Variants in STX1B observed in about 807,000 individuals in gnomAD.
STX1B encodes syntaxin 1B.
In STX1B, 7 loss-of-function variants were observed where a neutral mutation model predicts 39.4. The ratio of observed to expected loss-of-function variants is 0.18; its 90% CI spans 0.10 to 0.33. The LOEUF is 0.33. Ranked by LOEUF, STX1B falls within the 10% of genes least tolerant of loss-of-function variation. STX1B has a pLI of 1.00. For missense variants in STX1B, 198 were observed against 383.2 expected (o/e 0.52, Z 4.04); for synonymous variants, 136 against 144.1 (o/e 0.94, Z 0.40).
In STX1B at chr16:30,992,102, C is replaced by CAA; in HGVS notation, c.*718_*719insTT. 1 of 151,868 alleles carries CAA rather than the reference C, an allele frequency of 6.6e-6. No individual in the cohort carries two copies. Among genetic ancestry groups the CAA allele is most frequent in the East Asian group, 1.9e-4 (1 of 5,168 alleles). The allele number at this position is 151,868 out of a possible 1,614,324, so 9.4% of individuals were successfully genotyped here. On this transcript the variant is annotated 3_prime_UTR_variant, in exon 10 of 10. Coordinates refer to ENST00000215095, the MANE Select transcript of STX1B (RefSeq NM_052874.5). ...CAGGCACATCCTGGACACACACACA[C>CAA]ACACACACACACACATGCACACCCT...
chr16:30,993,098 C>G (rs774513622), intron 9 of STX1B, 32 bp downstream of exon 9: 1 of 1,606,582 alleles, frequency 6.2e-7, no homozygotes, highest in South Asian at 1.1e-5. Context: ...TTGGGCTCCC[C>G]CGCCTACCCC....
At chr16:30,999,513 G>A (rs545445733) in intron 4 of STX1B, among the ~76,000 whole-genome samples, 4 of 152,360 alleles carry the variant, frequency 2.6e-5, no homozygotes, top group East Asian at 1.9e-4. Context: ...AGACAAGGAG[G>A]TTCCCAACCC....
Position 30,993,183 on chromosome 16 carries a change from G to C in STX1B, c.733C>G (p.Arg245Gly), listed in dbSNP as rs780843272. 1 of 1,614,056 alleles carries C rather than the reference G, an allele frequency of 6.2e-7. No individual in the cohort carries two copies. The highest frequency in any genetic ancestry group is 8.5e-7 in the Non-Finnish European group (1 of 1,180,044). ...NVEHSVDYVE[R>G]AVSDTKKAVK... ...GCTTTCTTGGTGTCAGACACAGCTC[G>C]CTCCACGTAGTCCACAGAATGTTCC... Residue 245 changes from arginine (R) to glycine (G), a missense_variant, in exon 9 of 10, where the codon CGA (arginine) becomes GGA (glycine). Arg to Gly is a moderately radical substitution (Grantham distance 125, BLOSUM62 -2). Transcript: ENST00000215095.
chr16:30,993,821 C>T (rs1377228582), intron 7 of STX1B, among the ~76,000 whole-genome samples: 1 of 152,066 alleles, frequency 6.6e-6, no homozygotes, highest in African/African-American at 2.4e-5. Context: ...CTCGTCTCTA[C>T]TAAAAATATA....
Position 30,992,631 on chromosome 16 carries a change from C to T in STX1B, c.*190G>A, listed in dbSNP as rs1419741312. Reference sequence around the variant, plus strand: ...GTGTAATCACGCCTGCTGCGATCTACGTGCGGGGACGGGGGGGGGGTCCAT... The same window carrying T: ...GTGTAATCACGCCTGCTGCGATCTATGTGCGGGGACGGGGGGGGGGTCCAT... On this transcript the variant is annotated 3_prime_UTR_variant, in exon 10 of 10. Coordinates refer to ENST00000215095, the MANE Select transcript of STX1B (RefSeq NM_052874.5). 2 of 419,718 alleles carry T rather than the reference C, an allele frequency of 4.8e-6. No homozygotes were observed. Among genetic ancestry groups the T allele is most frequent in the African/African-American group, 6.5e-5 (1 of 15,446 alleles). The allele number at this position is 419,718 out of a possible 1,614,324, so 26.0% of individuals were successfully genotyped here. A position where few individuals can be genotyped will look rare whatever the true frequency, so the allele number is the denominator to read the frequency against.
At chr16:31,006,229 G>A (rs2056654500) in intron 1 of STX1B, among the ~76,000 whole-genome samples, 1 of 152,004 alleles carries the variant, frequency 6.6e-6, no homozygotes, top group Non-Finnish European at 1.5e-5. Flanking sequence ...CTCCCCCTGC[G>A]CCCTTTCCCC....
rs1057221284 is a variant in STX1B at position 31,004,011 on chromosome 16, T to C, written c.31-2408A>G. On this transcript the variant is annotated intron_variant, in intron 1 of 9. Coordinates refer to ENST00000215095, the MANE Select transcript of STX1B (RefSeq NM_052874.5). ...CATCCAGCCCCTCAAAGACCGCTGT[T>C]AGGCTCCAGACTGGGCTACCTCCCC... is the stretch of plus-strand genomic sequence containing the variant. 2.0e-5 allele frequency among the ~76,000 whole-genome samples: 3 copies of C among 152,118 alleles called. No individual in the cohort carries two copies. In the South Asian group the frequency reaches 6.2e-4, roughly 32 times the overall value.
chr16:30,997,063 CGGTGGG>C lies in STX1B; in HGVS notation c.355-10_355-5del. ...ACTTCCGGGACAGTGTGGAGTGCTACGGTGGGGGTGGGGGGACAGACGGATCAGGGA... is the reference window on the plus strand; with the variant it reads ...ACTTCCGGGACAGTGTGGAGTGCTACGGTGGGGGGACAGACGGATCAGGGA... On this transcript the variant is annotated splice_polypyrimidine_tract_variant and splice_region_variant and intron_variant, in intron 5 of 9. Coordinates refer to ENST00000215095, the MANE Select transcript of STX1B (RefSeq NM_052874.5). 1 of 1,379,806 alleles carries C rather than the reference CGGTGGG, an allele frequency of 7.2e-7. No homozygotes were observed. The highest frequency in any genetic ancestry group is 1.7e-5 in the African/African-American group (1 of 58,348). The allele number at this position is 1,379,806 out of a possible 1,614,324, so 85.5% of individuals were successfully genotyped here. A position where few individuals can be genotyped will look rare whatever the true frequency, so the allele number is the denominator to read the frequency against.
chr16:31,005,710 C>A (rs547153498), intron 1 of STX1B, among the ~76,000 whole-genome samples: 7 of 152,228 alleles, frequency 4.6e-5, no homozygotes, highest in African/African-American at 1.7e-4. Flanking sequence ...GTAACTTGCC[C>A]AAGATCACAC....
rs1420003044 is a variant in STX1B, at chr16:30,990,397, C to T, written c.*2424G>A. 6.6e-6 allele frequency: 1 copy of T among 152,232 alleles called. No homozygotes were observed. Among genetic ancestry groups the T allele is most frequent in the African/African-American group, 2.4e-5 (1 of 41,424 alleles). 9.4% of individuals were successfully genotyped at this position (152,232 alleles called of 1,614,324 possible). Reference sequence around the variant, plus strand: ...AGGCCCCCAGCTCAGGACAGCCCACCTGGGGTTACGCACGTGGCCACACTG... The same window carrying T: ...AGGCCCCCAGCTCAGGACAGCCCACTTGGGGTTACGCACGTGGCCACACTG... On this transcript the variant is annotated 3_prime_UTR_variant, in exon 10 of 10. Coordinates refer to ENST00000215095, the MANE Select transcript of STX1B (RefSeq NM_052874.5).
At chr16:30,993,292 G>A in intron 8 of STX1B, 52 bp from the exon 9 acceptor site, 3 of 1,613,460 alleles carry the variant, frequency 1.9e-6, no homozygotes, top group Non-Finnish European at 2.5e-6. Context: ...GGCTGGAAGA[G>A]GGGACCTCAG....
At chr16:30,996,555 C>T in intron 7 of STX1B, 128 bp downstream of exon 7, 9 of 836,782 alleles carry the variant, frequency 1.1e-5, no homozygotes, top group Non-Finnish European at 1.7e-5. Context: ...ATGGAATTCC[C>T]CAGTTCCCGG....
At position 31,001,634 on chromosome 16, in the gene STX1B, A is replaced by G. The variant is rs1280441633; in HGVS notation, c.31-31T>C. 1 of 1,590,620 alleles carries G rather than the reference A, an allele frequency of 6.3e-7. No individual in the cohort carries two copies. The highest frequency in any genetic ancestry group is 2.2e-5 in the East Asian group (1 of 44,786). ...GACAAGGAAGGCTGAGTCCATGAGC[A>G]GGCCCTACCTGGGTCCCCAAGGCTG... is the stretch of plus-strand genomic sequence containing the variant. On this transcript the variant is annotated intron_variant, in intron 1 of 9. Transcript: ENST00000215095. This position sits in a 1 kb window ranked among gnomAD's most constrained non-coding sequence, Gnocchi z 5.5.
intron 4 of STX1B, among the ~76,000 whole-genome samples, chr16:30,998,150 A>G (rs982741732): frequency 2.6e-5 from 4 of 152,214 alleles, no homozygotes; most frequent in African/African-American, 7.2e-5. Flanking sequence ...GGGAATTCCC[A>G]CTTCTGAAGG....
At chr16:30,996,651 C>A (rs1365367049) in intron 7 of STX1B, 32 bp downstream of exon 7, 1 of 1,605,714 alleles carries the variant, frequency 6.2e-7, no homozygotes, top group Non-Finnish European at 8.5e-7. Context: ...AAAAATTTTC[C>A]AAAAGCAGAG....
At chr16:30,995,864 T>TA (rs528348432) in intron 7 of STX1B, among the ~76,000 whole-genome samples, 20 of 151,938 alleles carry the variant, frequency 1.3e-4, no homozygotes, top group Middle Eastern at 3.4e-3. Flanking sequence ...AAACTTGTTT[T>TA]AAAAAAAATA....
chr16:30,999,489 T>A (rs950496397), intron 4 of STX1B, among the ~76,000 whole-genome samples: 1 of 152,194 alleles, frequency 6.6e-6, no homozygotes, highest in Admixed American at 6.5e-5. Flanking sequence ...CACTGCTATT[T>A]CCCTGGTATG....
chr16:31,010,419 C>G lies in STX1B; in HGVS notation c.-23G>C. 6.9e-7 allele frequency: 1 copy of G among 1,445,456 alleles called. No individual in the cohort carries two copies. Among genetic ancestry groups the G allele is most frequent in the South Asian group, 1.5e-5 (1 of 66,326 alleles). The allele number at this position is 1,445,456 out of a possible 1,614,324, so 89.5% of individuals were successfully genotyped here. Reference sequence around the variant, plus strand: ...CATCCTGCGACGGCTCCTCCTCCTCCTCCTAGTCCTCCTGCCTCTGCTGCT... The same window carrying G: ...CATCCTGCGACGGCTCCTCCTCCTCGTCCTAGTCCTCCTGCCTCTGCTGCT... On this transcript the variant is annotated 5_prime_UTR_variant, in exon 1 of 10. Transcript: ENST00000215095.
In STX1B at chr16:30,992,739, G is replaced by T; in HGVS notation, c.*82C>A. 1.2e-6 allele frequency: 1 copy of T among 852,794 alleles called. No individual in the cohort carries two copies. Among genetic ancestry groups the T allele is most frequent in the Non-Finnish European group, 1.9e-6 (1 of 517,838 alleles). 52.8% of individuals were successfully genotyped at this position (852,794 alleles called of 1,614,324 possible). A position where few individuals can be genotyped will look rare whatever the true frequency, so the allele number is the denominator to read the frequency against. On this transcript the variant is annotated 3_prime_UTR_variant, in exon 10 of 10. Coordinates refer to ENST00000215095, the MANE Select transcript of STX1B (RefSeq NM_052874.5). The stretch of plus-strand genomic sequence containing the variant: ...TGTTTTGGGAGTGAGCCTGGAGCAG[G>T]GGATGGAGTGAAAGGGGTGGTGGGG...
Sources: allele counts gnomAD v4.1 joint callset (sites outside exome capture counted in the v4.1 genomes callset), GRCh38; gene constraint gnomAD v4.1.1; non-coding constraint Gnocchi (gnomAD v3.1); transcripts MANE v1.5; gene names NCBI Gene and HGNC (gene_info 2026-07-23, HGNC 2026-07-21).